Variants in NCKAP1 observed in about 807,000 individuals in gnomAD.
The protein encoded by NCKAP1 is nck-associated protein 1.
NCKAP1 carries 21 observed loss-of-function variants against 151.2 expected under a neutral mutation model. The ratio of observed to expected loss-of-function variants is 0.14; its 90% confidence interval spans 0.10 to 0.20. The LOEUF (loss-of-function observed/expected upper bound fraction) is 0.20, where lower values mean the gene tolerates loss of function less well. NCKAP1 is among the 10% of genes least tolerant of loss of function. The pLI is 1.00. For synonymous variants in NCKAP1, 484 were observed against 451.8 expected (o/e 1.07, Z -0.90); for missense variants, 933 against 1,352.1 (o/e 0.69, Z 4.86).
chr2:182,946,170 T>C lies in NCKAP1; in HGVS notation c.2602-4007A>G, dbSNP rs183615183. Among the ~76,000 whole-genome samples the C allele has an allele frequency of 7.2e-4, 110 of 152,096 alleles. 1 individual carries two copies. Among genetic ancestry groups the C allele is most frequent in the Middle Eastern group, 6.8e-3 (2 of 292 alleles). On this transcript the variant is annotated intron_variant, in intron 23 of 30. Coordinates refer to ENST00000361354, the MANE Select transcript of NCKAP1 (RefSeq NM_013436.5). Reference sequence around the variant, plus strand: ...ATCTCAGCATTTTGGGAGGCTGAGGTGGGTGGATCACGAGGTCAGGAGATC... The same window carrying C: ...ATCTCAGCATTTTGGGAGGCTGAGGCGGGTGGATCACGAGGTCAGGAGATC...
intron 2 of NCKAP1, among the ~76,000 whole-genome samples, chr2:183,018,200 T>C (rs1029105790): frequency 6.6e-6 from 1 of 152,056 alleles, no homozygotes; most frequent in Non-Finnish European, 1.5e-5. Context: ...TGAGCCAAGA[T>C]TATGCCATTG....
chr2:182,984,134 A>G (rs192113445), intron 10 of NCKAP1, among the ~76,000 whole-genome samples: 2 of 152,216 alleles, frequency 1.3e-5, no homozygotes, highest in African/African-American at 4.8e-5. Context: ...CTGGTTATCT[A>G]TATTCTTATT....
In NCKAP1 at chr2:182,914,172, T is replaced by C. The variant is rs552636635; in HGVS notation, c.*11530A>G. The C allele has an allele frequency of 6.6e-6, 1 of 152,370 alleles. No individual in the cohort carries two copies. The highest frequency in any genetic ancestry group is 2.4e-5 in the African/African-American group (1 of 41,590). The allele number at this position is 152,370 out of a possible 1,614,324, so 9.4% of individuals were successfully genotyped here. A position where few individuals can be genotyped will look rare whatever the true frequency, so the allele number is the denominator to read the frequency against. On this transcript the variant is annotated 3_prime_UTR_variant, in exon 31 of 31. Transcript: ENST00000361354. ...GGCAGGTAATCGTAGACAAGACTAGTTAAACTGTGTTTTTAGTTAGCTTTG... is the reference window on the plus strand; with the variant it reads ...GGCAGGTAATCGTAGACAAGACTAGCTAAACTGTGTTTTTAGTTAGCTTTG...
At chr2:182,999,279 G>A (rs575807831) in intron 6 of NCKAP1, among the ~76,000 whole-genome samples, 2 of 152,100 alleles carry the variant, frequency 1.3e-5, no homozygotes, top group South Asian at 2.1e-4. Flanking sequence ...GAATCTATAC[G>A]GAACTTAAAT....
rs1696569756 is a variant in NCKAP1, at chr2:182,922,598, T to G, written c.*3104A>C. On this transcript the variant is annotated 3_prime_UTR_variant, in exon 31 of 31. Coordinates refer to ENST00000361354, the MANE Select transcript of NCKAP1 (RefSeq NM_013436.5). ...GCCCACTTGTGGTTCCTTCTAATCC[T>G]TCACGTACCAGCTCAAATGTTTTCT... 1 of 152,266 alleles carries G rather than the reference T, an allele frequency of 6.6e-6. No homozygotes were observed. Among genetic ancestry groups the G allele is most frequent in the Admixed American group, 6.5e-5 (1 of 15,286 alleles). 9.4% of individuals were successfully genotyped at this position (152,266 alleles called of 1,614,324 possible). A position where few individuals can be genotyped will look rare whatever the true frequency, so the allele number is the denominator to read the frequency against.
intron 2 of NCKAP1, among the ~76,000 whole-genome samples, 187 bp from the exon 3 acceptor site, chr2:183,003,512 G>A (rs1276542034): frequency 2.0e-5 from 3 of 152,094 alleles, no homozygotes; most frequent in African/African-American, 7.2e-5. Flanking sequence ...GCAACTGACA[G>A]TGTGAGGCTA....
Position 182,910,620 on chromosome 2 carries a change from T to A in NCKAP1, c.*15082A>T, listed in dbSNP as rs1399041224. 2.0e-5 allele frequency: 3 copies of A among 152,290 alleles called. No individual in the cohort carries two copies. The highest frequency in any genetic ancestry group is 4.4e-5 in the Non-Finnish European group (3 of 68,094). The allele number at this position is 152,290 out of a possible 1,614,324, so 9.4% of individuals were successfully genotyped here. Reference sequence around the variant, plus strand: ...GAGGGCTGCGGCTGTGCTCTGCACTTCTGTGTACGTCGAACAAGACAATAG... The same window carrying A: ...GAGGGCTGCGGCTGTGCTCTGCACTACTGTGTACGTCGAACAAGACAATAG... On this transcript the variant is annotated 3_prime_UTR_variant, in exon 31 of 31. Coordinates refer to ENST00000361354, the MANE Select transcript of NCKAP1 (RefSeq NM_013436.5).
At chr2:182,984,663 A>G (rs1267423148) in intron 10 of NCKAP1, among the ~76,000 whole-genome samples, 1 of 151,572 alleles carries the variant, frequency 6.6e-6, no homozygotes, top group Non-Finnish European at 1.5e-5. Flanking sequence ...CCTGATATAT[A>G]GTGCTTCTGT....
At chr2:182,956,677 T>C (rs1697334989) in intron 19 of NCKAP1, 84 bp from the exon 20 acceptor site, 1 of 1,377,386 alleles carries the variant, frequency 7.3e-7, no homozygotes, top group East Asian at 2.5e-5. Flanking sequence ...ATCAACCTTA[T>C]TTGGAGATAA....
intron 1 of NCKAP1, among the ~76,000 whole-genome samples, chr2:183,037,059 T>C (rs995435697): frequency 1.3e-5 from 2 of 152,206 alleles, no homozygotes; most frequent in African/African-American, 2.4e-5. Flanking sequence ...TGTTTTGTCC[T>C]ACGATAATGA....
At chr2:182,983,895 G>A (rs932425712) in intron 10 of NCKAP1, among the ~76,000 whole-genome samples, 2 of 152,086 alleles carry the variant, frequency 1.3e-5, no homozygotes, top group Admixed American at 6.6e-5. Context: ...TTAGCCAGGT[G>A]TGGTGGGTGC....
chr2:182,936,523 T>A (rs1017445211), intron 24 of NCKAP1, among the ~76,000 whole-genome samples: 1 of 152,160 alleles, frequency 6.6e-6, no homozygotes, highest in Non-Finnish European at 1.5e-5. Context: ...TGTATATACA[T>A]AACAAATTTC....
chr2:182,965,663 TA>T (rs1477305064), intron 16 of NCKAP1, among the ~76,000 whole-genome samples: 4 of 152,322 alleles, frequency 2.6e-5, no homozygotes, highest in Non-Finnish European at 5.9e-5. Flanking sequence ...AAAATATAAA[TA>T]AAATTCAGGT....
intron 7 of NCKAP1, among the ~76,000 whole-genome samples, 175 bp from the exon 8 acceptor site, chr2:182,995,062 G>A (rs1206264979): frequency 8.5e-5 from 13 of 152,136 alleles, no homozygotes; most frequent in Non-Finnish European, 2.9e-5. Flanking sequence ...GAAACTTGCA[G>A]TCAATAAACA....
At chr2:183,004,149 A>AATCTCAGGCCT (rs1698423029) in intron 2 of NCKAP1, among the ~76,000 whole-genome samples, 1 of 152,178 alleles carries the variant, frequency 6.6e-6, no homozygotes, top group Non-Finnish European at 1.5e-5. Flanking sequence ...AGAAAAGCAG[A>AATCTCAGGCCT]ATCTCAGGCC....
At chr2:182,981,752 T>C (rs1408702320) in intron 12 of NCKAP1, among the ~76,000 whole-genome samples, 1 of 151,268 alleles carries the variant, frequency 6.6e-6, no homozygotes, top group Non-Finnish European at 1.5e-5. Flanking sequence ...CTACTAAAAA[T>C]ACAAAAGTTA....
chr2:183,017,432 G>T (rs1698714089), intron 2 of NCKAP1, among the ~76,000 whole-genome samples: 2 of 152,102 alleles, frequency 1.3e-5, no homozygotes, highest in Admixed American at 1.3e-4. Context: ...TTCTCCTCAA[G>T]AGCTCGCAAC....
intron 8 of NCKAP1, among the ~76,000 whole-genome samples, chr2:182,990,206 T>A (rs954562903): frequency 6.6e-6 from 1 of 151,980 alleles, no homozygotes; most frequent in African/African-American, 2.4e-5. Context: ...CTTTCTTTTT[T>A]TTTCTCTTTT....
At chr2:183,025,054 T>C in intron 1 of NCKAP1, 1 of 1,534,938 alleles carries the variant, frequency 6.5e-7, no homozygotes, top group Non-Finnish European at 9.0e-7. Context: ...ATTGTCAAAC[T>C]ATGATATACG....
Sources: gnomAD v4.1 joint callset for allele counts (sites outside exome capture counted in the v4.1 genomes callset) on GRCh38, gnomAD v4.1.1 for gene constraint, MANE v1.5 for transcripts, NCBI Gene and HGNC (gene_info 2026-07-23, HGNC 2026-07-21) for gene names.